The following PALM2AKAP2 variants were observed in gnomAD, a reference collection of about 807,000 sequenced individuals.
The protein encoded by PALM2AKAP2 is PALM2-AKAP2 fusion protein.
PALM2AKAP2 carries 37 observed loss-of-function variants against 71.5 expected under a neutral mutation model. The observed-to-expected ratio is 0.52, with a 90% confidence interval of 0.40 to 0.68. The LOEUF is 0.68. Among genes scored for constraint, PALM2AKAP2 ranks in the 30% least tolerant of loss-of-function variants. The pLI, the probability that PALM2AKAP2 is intolerant of heterozygous loss-of-function variation, is 0.00. For missense variants in PALM2AKAP2, 1,224 were observed against 1,191.8 expected (o/e 1.03, Z -0.40); for synonymous variants, 468 against 478.8 (o/e 0.98, Z 0.29).
intron 3 of PALM2AKAP2, 124 bp from the exon 11 acceptor site, chr9:110,168,275 C>A: frequency 1.7e-6 from 2 of 1,180,376 alleles, no homozygotes; most frequent in Non-Finnish European, 2.3e-6. Flanking sequence ...TATCTCCCAG[C>A]AGTGCTTTAT....
chr9:109,684,427 G>C (rs1481914668), intron 1 of PALM2AKAP2, among the ~76,000 whole-genome samples: 1 of 152,192 alleles, frequency 6.6e-6, no homozygotes, highest in African/African-American at 2.4e-5. Flanking sequence ...GAAGGGCTCA[G>C]CTATGGTTCA....
chr9:109,864,646 A>T (rs887533920), intron 1 of PALM2AKAP2, among the ~76,000 whole-genome samples: 2 of 152,094 alleles, frequency 1.3e-5, no homozygotes, highest in Non-Finnish European at 2.9e-5. Context: ...ACACAGCCAC[A>T]CTCATTCATT....
At chr9:110,085,187 T>C (rs1039398497) in intron 1 of PALM2AKAP2, among the ~76,000 whole-genome samples, 1 of 152,172 alleles carries the variant, frequency 6.6e-6, no homozygotes, top group Non-Finnish European at 1.5e-5. Context: ...CCGTAGGAAT[T>C]GTTGTTTTCT....
intron 1 of PALM2AKAP2, among the ~76,000 whole-genome samples, chr9:109,679,420 C>G (rs780334755): frequency 2.0e-5 from 3 of 152,138 alleles, no homozygotes; most frequent in Non-Finnish European, 2.9e-5. Flanking sequence ...TGTCTTTCAC[C>G]AGGTGGGAGT....
intron 1 of PALM2AKAP2, among the ~76,000 whole-genome samples, chr9:109,657,565 C>G (rs188065798): frequency 6.6e-6 from 1 of 151,382 alleles, no homozygotes; most frequent in Admixed American, 6.6e-5. Flanking sequence ...GAGAGACAGA[C>G]AGACAGAGAC....
At chr9:109,831,491 A>G (rs189301140) in intron 1 of PALM2AKAP2, among the ~76,000 whole-genome samples, 8 of 152,310 alleles carry the variant, frequency 5.3e-5, no homozygotes, top group African/African-American at 1.9e-4. Flanking sequence ...GAAGCCAGAT[A>G]ACTTTTACAA....
At chr9:109,844,001 A>G (rs1182825373) in intron 1 of PALM2AKAP2, among the ~76,000 whole-genome samples, 1 of 152,180 alleles carries the variant, frequency 6.6e-6, no homozygotes, top group Non-Finnish European at 1.5e-5. Flanking sequence ...AGACAAAAAC[A>G]ACGGTTTTGC....
chr9:110,170,266 T>A (rs888682033), exon 4 of PALM2AKAP2: 1 of 152,622 alleles, frequency 6.6e-6, no homozygotes, highest in Non-Finnish European at 1.5e-5. Flanking sequence ...TGTGGTTTTT[T>A]AAAAAAGCAA....
rs553524193 is a variant in PALM2AKAP2, at chr9:109,966,586, A to G, written c.496+34558A>G. Reference sequence around the variant, plus strand: ...AGGTTAAAGGAGTCAATATTTGTAAAGATCTTACAATAGTATTCAGCACAG... The same window carrying G: ...AGGTTAAAGGAGTCAATATTTGTAAGGATCTTACAATAGTATTCAGCACAG... On this transcript the variant is annotated intron_variant, in intron 6 of 9. Transcript: ENST00000302798. 3.3e-5 allele frequency among the ~76,000 whole-genome samples: 5 copies of G among 152,354 alleles called. No homozygotes were observed. The South Asian group carries it at 1.0e-3, about 32-fold the overall frequency.
intron 1 of PALM2AKAP2, among the ~76,000 whole-genome samples, chr9:109,822,705 C>G (rs1226064829): frequency 6.6e-6 from 1 of 152,144 alleles, no homozygotes; most frequent in Non-Finnish European, 1.5e-5. Context: ...AGGACATGAT[C>G]TCATTATTTT....
intron 3 of PALM2AKAP2, among the ~76,000 whole-genome samples, chr9:109,921,740 T>C (rs75758593): frequency 0.011 from 1,649 of 152,264 alleles, 30 homozygotes; most frequent in African/African-American, 0.037. Context: ...ATTTGACTAA[T>C]GCATGAAGTG....
At chr9:109,910,707 A>G (rs1443578793) in intron 3 of PALM2AKAP2, among the ~76,000 whole-genome samples, 1 of 152,004 alleles carries the variant, frequency 6.6e-6, no homozygotes, top group East Asian at 1.9e-4. Context: ...AGGCTGAGGC[A>G]TGGACTTGAC....
At chr9:109,669,573 T>C (rs1587860980) in intron 1 of PALM2AKAP2, among the ~76,000 whole-genome samples, 2 of 152,120 alleles carry the variant, frequency 1.3e-5, no homozygotes, top group South Asian at 4.1e-4. Context: ...TGATCTGGAT[T>C]GAATTTTTCT....
chr9:109,807,477 G>A (rs1587925383), intron 1 of PALM2AKAP2, among the ~76,000 whole-genome samples: 1 of 151,640 alleles, frequency 6.6e-6, no homozygotes, highest in South Asian at 2.1e-4. Context: ...TGTCTGGCAA[G>A]GGCCTGTTTC....
At chr9:110,109,584 A>G (rs579775) in intron 1 of PALM2AKAP2, among the ~76,000 whole-genome samples, 121,750 of 152,064 alleles carry the variant, frequency 0.8, 48,947 homozygotes, top group East Asian at 0.95. Context: ...CCATAGCTTG[A>G]CATGTCTTCT....
At chr9:109,740,416 A>G (rs1263131983) in intron 1 of PALM2AKAP2, among the ~76,000 whole-genome samples, 2 of 152,128 alleles carry the variant, frequency 1.3e-5, no homozygotes, top group African/African-American at 2.4e-5. Context: ...TGCTAAGGTG[A>G]CATTTTGTGT....
chr9:109,803,084 C>G (rs916881292), intron 1 of PALM2AKAP2, among the ~76,000 whole-genome samples: 1 of 150,682 alleles, frequency 6.6e-6, no homozygotes, highest in African/African-American at 2.4e-5. Context: ...TTATTTATTT[C>G]CAAGAACAGG....
At chr9:109,966,398 G>T (rs1263638709) in intron 6 of PALM2AKAP2, among the ~76,000 whole-genome samples, 1 of 152,224 alleles carries the variant, frequency 6.6e-6, no homozygotes, top group African/African-American at 2.4e-5. Flanking sequence ...CAACCCTGGA[G>T]CCAGGTACCC....
At chr9:110,028,770 T>C (rs1053280678) in intron 7 of PALM2AKAP2, among the ~76,000 whole-genome samples, 1 of 152,188 alleles carries the variant, frequency 6.6e-6, no homozygotes, top group Non-Finnish European at 1.5e-5. Flanking sequence ...GACATACTTA[T>C]ATTAAAAAAT....
Sources: gnomAD v4.1 joint callset for allele counts (sites outside exome capture counted in the v4.1 genomes callset) on GRCh38, gnomAD v4.1.1 for gene constraint, MANE v1.5 for transcripts, NCBI Gene and HGNC (gene_info 2026-07-23, HGNC 2026-07-21) for gene names.